FUT9: variants seen among roughly 807,000 people sequenced by gnomAD.
The protein encoded by FUT9 is 4-galactosyl-N-acetylglucosaminide 3-alpha-L-fucosyltransferase 9.
FUT9 carries 15 observed loss-of-function variants against 29.7 expected under a neutral mutation model. The observed-to-expected ratio is 0.51, with a 90% CI of 0.34 to 0.78. The LOEUF is 0.78. Among genes scored for constraint, FUT9 ranks in the 30% least tolerant of loss-of-function variants. The probability of loss-of-function intolerance (pLI) is 0.01; values close to 1 mark genes in which losing one functional copy is unlikely to be tolerated. For synonymous variants in FUT9, 169 were observed against 153.7 expected, an observed-to-expected ratio of 1.10 and a Z score of -0.74; for missense variants, 319 against 425.4, an observed-to-expected ratio of 0.75 and a Z score of 2.20.
intron 2 of FUT9, among the ~76,000 whole-genome samples, chr6:96,149,244 G>T (rs1772633009): frequency 6.6e-6 from 1 of 151,176 alleles, no homozygotes; most frequent in Non-Finnish European, 1.5e-5. Flanking sequence ...CAATTTTGTT[G>T]AATTAAATTT....
intron 1 of FUT9, among the ~76,000 whole-genome samples, chr6:96,105,965 C>T (rs1372118003): frequency 1.3e-5 from 2 of 152,100 alleles, no homozygotes; most frequent in Admixed American, 1.3e-4. Flanking sequence ...GAGAACAAAC[C>T]AGTGTATCCT....
intron 1 of FUT9, among the ~76,000 whole-genome samples, chr6:96,085,540 C>T (rs1771302566): frequency 6.6e-6 from 1 of 152,170 alleles, no homozygotes; most frequent in African/African-American, 2.4e-5. Context: ...AGGACACAAA[C>T]ATTCAAACTA....
At chr6:96,147,624 T>C (rs766441098) in intron 2 of FUT9, among the ~76,000 whole-genome samples, 9 of 152,042 alleles carry the variant, frequency 5.9e-5, no homozygotes, top group Non-Finnish European at 1.3e-4. Flanking sequence ...GAGAAGTAAG[T>C]CTTCTTCATA....
At chr6:96,039,975 C>G (rs1046683768) in intron 1 of FUT9, among the ~76,000 whole-genome samples, 1 of 151,576 alleles carries the variant, frequency 6.6e-6, no homozygotes, top group African/African-American at 2.4e-5. Context: ...CTTTCCTTCT[C>G]TTTCTTGCTT....
intron 1 of FUT9, among the ~76,000 whole-genome samples, chr6:96,023,530 G>A (rs1157174431): frequency 6.6e-6 from 1 of 151,894 alleles, no homozygotes; most frequent in East Asian, 1.9e-4. Context: ...TAGTAATGTG[G>A]GAGGTTACTA....
At chr6:96,182,665 A>C (rs1460023358) in intron 2 of FUT9, among the ~76,000 whole-genome samples, 2 of 152,052 alleles carry the variant, frequency 1.3e-5, no homozygotes, top group African/African-American at 4.8e-5. Flanking sequence ...GTGGCTAGCC[A>C]ATTATCCCAG....
intron 1 of FUT9, among the ~76,000 whole-genome samples, chr6:96,042,828 A>G (rs2127933697): frequency 6.6e-6 from 1 of 152,302 alleles, no homozygotes; most frequent in Admixed American, 6.5e-5. Context: ...TTCACACATA[A>G]GAAAATTAGA....
At position 96,203,583 on chromosome 6, in the gene FUT9, C is replaced by A. The variant is rs2127991653; in HGVS notation, c.428C>A (p.Pro143His). The part of the protein sequence containing the change: ...WMNLESPTHT[P>H]QKSGIEHLFN... ...AATTTGGAATCACCAACTCACACTC[C>A]CCAAAAGAGTGGCATTGAGCACTTG... The change falls in exon 3 of 3, where the codon CCC becomes CAC. Residue 143 changes from proline (P) to histidine (H), a missense_variant. Physicochemically the swap from Pro to His is moderately conservative, Grantham distance 77. Transcript: ENST00000302103. 6.2e-7 allele frequency: 1 copy of A among 1,613,852 alleles called. No individual in the cohort carries two copies. The highest frequency in any genetic ancestry group is 8.5e-7 in the Non-Finnish European group (1 of 1,179,908).
chr6:96,113,908 A>C (rs1771863298), intron 1 of FUT9, 131 bp from the exon 2 acceptor site: 2 of 152,078 alleles, frequency 1.3e-5, no homozygotes, highest in African/African-American at 4.8e-5. Flanking sequence ...AACAAAGAAC[A>C]CAATAATACA....
chr6:96,051,539 G>A (rs1273104391), intron 1 of FUT9, among the ~76,000 whole-genome samples: 1 of 151,996 alleles, frequency 6.6e-6, no homozygotes, highest in African/African-American at 2.4e-5. Context: ...TGTGCTCCCA[G>A]CTACTCAAGA....
intron 2 of FUT9, among the ~76,000 whole-genome samples, chr6:96,164,980 A>G (rs1772986865): frequency 6.6e-6 from 1 of 152,198 alleles, no homozygotes. Context: ...TCTATTAGTC[A>G]GAGATGGGCT....
chr6:96,129,796 A>G (rs1319282718), intron 2 of FUT9, among the ~76,000 whole-genome samples: 1 of 152,016 alleles, frequency 6.6e-6, no homozygotes, highest in Non-Finnish European at 1.5e-5. Context: ...TATTACTTTC[A>G]TAGTTCTTAT....
chr6:96,109,040 T>A (rs1771748480), intron 1 of FUT9, among the ~76,000 whole-genome samples: 1 of 152,198 alleles, frequency 6.6e-6, no homozygotes, highest in Non-Finnish European at 1.5e-5. Context: ...AAATTTTGAT[T>A]TCATAAAATT....
chr6:96,083,304 C>T (rs1156745095), intron 1 of FUT9, among the ~76,000 whole-genome samples: 1 of 152,046 alleles, frequency 6.6e-6, no homozygotes, highest in Admixed American at 6.6e-5. Context: ...GTCTTTCTCA[C>T]AAATAGATAG....
intron 2 of FUT9, among the ~76,000 whole-genome samples, chr6:96,115,794 C>T (rs1485947094): frequency 6.6e-6 from 1 of 151,988 alleles, no homozygotes; most frequent in African/African-American, 2.4e-5. Context: ...TTACAGAACC[C>T]CATGTTTATG....
intron 2 of FUT9, among the ~76,000 whole-genome samples, chr6:96,178,997 C>A (rs187028647): frequency 6.6e-6 from 1 of 152,096 alleles, no homozygotes; most frequent in Admixed American, 6.6e-5. Flanking sequence ...TAGTTTCTGT[C>A]ATTTTGGGAT....
intron 1 of FUT9, among the ~76,000 whole-genome samples, chr6:96,092,833 A>G (rs996289705): frequency 6.6e-5 from 10 of 152,026 alleles, no homozygotes; most frequent in Non-Finnish European, 1.5e-4. Context: ...ATGCAGTGGC[A>G]CAATCACAGC....
At chr6:96,111,813 A>G (rs1771814181) in intron 1 of FUT9, among the ~76,000 whole-genome samples, 1 of 152,206 alleles carries the variant, frequency 6.6e-6, no homozygotes, top group South Asian at 2.1e-4. Flanking sequence ...TGTATATATG[A>G]CAGATGTTTG....
rs1773992895 is a variant in FUT9 at position 96,214,170 on chromosome 6, T to C, written c.*9935T>C. On this transcript the variant is annotated 3_prime_UTR_variant, in exon 3 of 3. Coordinates refer to ENST00000302103, the MANE Select transcript of FUT9 (RefSeq NM_006581.4). ...GCAATAAATACAACAAATTATTTGT[T>C]GGCAAGTGATACAATTTACTGTATA... The C allele has an allele frequency of 6.0e-6, 1 of 166,952 alleles. No individual in the cohort carries two copies. Among genetic ancestry groups the C allele is most frequent in the African/African-American group, 2.4e-5 (1 of 41,458 alleles). 10.3% of individuals were successfully genotyped at this position (166,952 alleles called of 1,614,324 possible).
Sources: allele counts gnomAD v4.1 joint callset (sites outside exome capture counted in the v4.1 genomes callset), GRCh38; gene constraint gnomAD v4.1.1; transcripts MANE v1.5; gene names NCBI Gene and HGNC (gene_info 2026-07-23, HGNC 2026-07-21).